The following ZFYVE26 variants were observed in gnomAD, a reference collection of about 807,000 sequenced individuals.
ZFYVE26 encodes zinc finger FYVE-type containing 26, also known as zinc finger FYVE domain-containing protein 26.
In ZFYVE26, 181 loss-of-function variants were observed where a neutral mutation model predicts 276.5. That is an observed-to-expected ratio of 0.65 (90% confidence interval 0.58 to 0.74). ZFYVE26 has a LOEUF of 0.74. Among genes scored for constraint, ZFYVE26 ranks in the 30% least tolerant of loss-of-function variants. ZFYVE26 has a pLI of 0.00. For missense variants in ZFYVE26, 2,821 were observed against 3,097.9 expected (o/e 0.91, Z 2.12); for synonymous variants, 1,129 against 1,203.1 (o/e 0.94, Z 1.27).
In ZFYVE26 at chr14:67,815,807, T is replaced by C. The variant is rs747519159; in HGVS notation, c.157A>G (p.Ile53Val). Residue 53 changes from isoleucine (I) to valine (V), a missense_variant, in exon 2 of 42, where the codon ATA (isoleucine) becomes GTA (valine). Ile to Val is a conservative substitution (Grantham distance 29). Transcript: ENST00000347230. ...QGDIPKRVED[I>V]LQALVVCPNL... ...GGACACACCACCAATGCCTGAAGTA[T>C]GTCTTCTACCCTCTTTGGGATATCC... The C allele has an allele frequency of 6.2e-7, 1 of 1,613,884 alleles. No individual in the cohort carries two copies. The highest frequency in any genetic ancestry group is 1.1e-5 in the South Asian group (1 of 91,070).
chr14:67,792,844 G>A (rs1454199898), intron 14 of ZFYVE26, among the ~76,000 whole-genome samples: 1 of 150,206 alleles, frequency 6.7e-6, no homozygotes, highest in Non-Finnish European at 1.5e-5. Context: ...CATGGGAGGT[G>A]GAGGTTGCAG....
chr14:67,750,978 G>C, intron 41 of ZFYVE26, 74 bp downstream of exon 41: 1 of 1,565,302 alleles, frequency 6.4e-7, no homozygotes, highest in South Asian at 1.1e-5. Flanking sequence ...TGGGGAGCAA[G>C]GGATAAAGGT....
intron 16 of ZFYVE26, among the ~76,000 whole-genome samples, chr14:67,788,871 T>C (rs2039733363): frequency 6.6e-6 from 1 of 152,212 alleles, no homozygotes; most frequent in Admixed American, 6.5e-5. Flanking sequence ...TCTACCTTCA[T>C]ATACTGATGC....
intron 12 of ZFYVE26, among the ~76,000 whole-genome samples, chr14:67,795,205 T>C (rs551014116): frequency 6.6e-6 from 1 of 152,340 alleles, no homozygotes; most frequent in South Asian, 2.1e-4. Flanking sequence ...GGGTTGTGCA[T>C]TCTTGTGCTG....
chr14:67,781,867 G>C (rs1594911772), intron 21 of ZFYVE26, among the ~76,000 whole-genome samples: 1 of 152,298 alleles, frequency 6.6e-6, no homozygotes, highest in East Asian at 1.9e-4. Context: ...ATATAGGACT[G>C]TTTCAGACTC....
intron 14 of ZFYVE26, among the ~76,000 whole-genome samples, chr14:67,792,925 A>AAAAG (rs1420990548): frequency 4.7e-5 from 7 of 150,178 alleles, no homozygotes; most frequent in Non-Finnish European, 8.9e-5. Flanking sequence ...AAAAAAAAAA[A>AAAAG]AAAAAAAAAG....
At chr14:67,785,641 G>GT (rs1249463759) in intron 18 of ZFYVE26, among the ~76,000 whole-genome samples, 1 of 152,154 alleles carries the variant, frequency 6.6e-6, no homozygotes, top group Non-Finnish European at 1.5e-5. Flanking sequence ...ATGAGAAAAT[G>GT]TATCAGCTGA....
intron 14 of ZFYVE26, among the ~76,000 whole-genome samples, chr14:67,792,420 C>A (rs1320834782): frequency 6.6e-6 from 1 of 152,092 alleles, no homozygotes; most frequent in Non-Finnish European, 1.5e-5. Flanking sequence ...TTTCTCACGG[C>A]TAGAACATAA....
intron 28 of ZFYVE26, chr14:67,769,990 C>A (rs2039165648): frequency 1.9e-6 from 1 of 517,896 alleles, no homozygotes; most frequent in Admixed American, 3.2e-5. Flanking sequence ...TGTATGGAGG[C>A]AACATGTGGA....
intron 14 of ZFYVE26, 21 bp downstream of exon 14, chr14:67,793,587 A>G: frequency 2.5e-6 from 4 of 1,612,066 alleles, no homozygotes; most frequent in Non-Finnish European, 3.4e-6. Flanking sequence ...CAGGGGCTGA[A>G]AAGGTATGGC....
At chr14:67,768,582 T>C in intron 29 of ZFYVE26, 34 bp from the exon 30 acceptor site, 1 of 1,610,332 alleles carries the variant, frequency 6.2e-7, no homozygotes. Flanking sequence ...ATTAAATAAA[T>C]GCCTGAGTCA....
rs749546818 is a variant in ZFYVE26 at position 67,790,648 on chromosome 14, A to G, written c.2679T>C (p.Asp893=). ...VEHKIENQNS[D]AGSSTIRRTG... ...TTCTCCGAATGGTGCTGCTACCCGC[A>G]TCTGAGTTCTGGTTTTCAATCTTGT... The change falls in exon 15 of 42, where the codon GAT becomes GAC. Residue 893 remains aspartate, a synonymous_variant. Transcript: ENST00000347230. 14 of 1,614,056 alleles carry G rather than the reference A, an allele frequency of 8.7e-6. No individual in the cohort carries two copies. The highest frequency in any genetic ancestry group is 2.5e-6 in the Non-Finnish European group (3 of 1,180,022).
At chr14:67,816,315 C>T (rs1056010626) in intron 1 of ZFYVE26, among the ~76,000 whole-genome samples, 4 of 151,838 alleles carry the variant, frequency 2.6e-5, no homozygotes, top group African/African-American at 9.7e-5. Context: ...GAACGTTATG[C>T]CCAGTCTTGA....
chr14:67,806,785 G>T, intron 5 of ZFYVE26, 110 bp from the exon 6 acceptor site: 1 of 1,364,910 alleles, frequency 7.3e-7, no homozygotes, highest in Non-Finnish European at 1.0e-6. Flanking sequence ...AAAAACTTAG[G>T]CTGGGTTTTC....
At chr14:67,733,919 A>C in intron 13 of ZFYVE26, 1 of 1,151,130 alleles carries the variant, frequency 8.7e-7, no homozygotes, top group Non-Finnish European at 1.3e-6. Flanking sequence ...GAGAAGGCCA[A>C]CCCTAAAGGA....
At chr14:67,781,284 T>C (rs1488673191) in intron 22 of ZFYVE26, 49 bp downstream of exon 22, 1 of 1,601,526 alleles carries the variant, frequency 6.2e-7, no homozygotes, top group Non-Finnish European at 8.5e-7. Context: ...TTGGGGTTGA[T>C]CATAGAGTGA....
At chr14:67,799,677 T>C in intron 10 of ZFYVE26, 2 of 1,153,294 alleles carry the variant, frequency 1.7e-6, no homozygotes, top group Non-Finnish European at 2.6e-6. Flanking sequence ...GCTGGCAAGA[T>C]TTGAAGGCAA....
chr14:67,732,737 C>T (rs1182005881), intron 13 of ZFYVE26, among the ~76,000 whole-genome samples: 1 of 152,018 alleles, frequency 6.6e-6, no homozygotes, highest in African/African-American at 2.4e-5. Flanking sequence ...CCACCACACC[C>T]GGCTAATTGT....
At chr14:67,769,041 A>G (rs2039134733) in intron 29 of ZFYVE26, among the ~76,000 whole-genome samples, 1 of 152,224 alleles carries the variant, frequency 6.6e-6, no homozygotes, top group Non-Finnish European at 1.5e-5. Context: ...AGTGGAAACA[A>G]TTGAGCAACA....
Sources: gnomAD v4.1 joint callset for allele counts (sites outside exome capture counted in the v4.1 genomes callset) on GRCh38, gnomAD v4.1.1 for gene constraint, MANE v1.5 for transcripts, NCBI Gene and HGNC (gene_info 2026-07-23, HGNC 2026-07-21) for gene names.